TLE4: variants seen among roughly 807,000 people sequenced by gnomAD.
TLE4 encodes the protein transducin-like enhancer protein 4.
A neutral mutation model predicts 92.8 loss-of-function variants in TLE4; 8 were observed. The observed-to-expected ratio is 0.09, with a 90% CI of 0.05 to 0.16. TLE4 has a LOEUF of 0.16. Ranked by LOEUF, TLE4 falls within the 10% of genes least tolerant of loss-of-function variation. The pLI is 1.00. For missense variants in TLE4, 675 were observed against 997.6 expected (o/e 0.68, Z 4.36); for synonymous variants, 371 against 374.1 (o/e 0.99, Z 0.10).
chr9:79,624,341 T>C (rs2051913508), intron 5 of TLE4, among the ~76,000 whole-genome samples: 1 of 152,136 alleles, frequency 6.6e-6, no homozygotes. Context: ...TGTGGCGTAA[T>C]GTTACATGGT....
intron 8 of TLE4, among the ~76,000 whole-genome samples, chr9:79,678,956 A>G (rs1459354441): frequency 6.6e-6 from 1 of 152,032 alleles, no homozygotes. Context: ...GGAACTCATC[A>G]TTTTTTATGG....
At chr9:79,616,754 C>T (rs761537975) in intron 5 of TLE4, among the ~76,000 whole-genome samples, 1 of 152,124 alleles carries the variant, frequency 6.6e-6, no homozygotes, top group Non-Finnish European at 1.5e-5. Flanking sequence ...CCTCCTCCAT[C>T]CCCCAATTCC....
rs1232996709 is a variant in TLE4, at chr9:79,628,183, T to G, written c.390+735T>G. Among the ~76,000 whole-genome samples the G allele has an allele frequency of 6.6e-5, 10 of 152,110 alleles. 1 individual carries two copies. Among genetic ancestry groups the G allele is most frequent in the Admixed American group, 5.9e-4 (9 of 15,270 alleles). ...ATCACAGCTGTAAAGAGCATAATATTCACCTCTCTATTTATGCAGATTGTA... is the reference window on the plus strand; with the variant it reads ...ATCACAGCTGTAAAGAGCATAATATGCACCTCTCTATTTATGCAGATTGTA... On this transcript the variant is annotated intron_variant, in intron 6 of 19. Transcript: ENST00000376552.
At chr9:79,654,958 A>C (rs1410674235) in intron 8 of TLE4, among the ~76,000 whole-genome samples, 8 of 152,224 alleles carry the variant, frequency 5.3e-5, no homozygotes, top group Non-Finnish European at 1.2e-4. Context: ...CCTGGCCAAC[A>C]TGGCGAAACC....
At chr9:79,688,933 C>T (rs1362596575) in intron 8 of TLE4, among the ~76,000 whole-genome samples, 2 of 152,058 alleles carry the variant, frequency 1.3e-5, no homozygotes, top group African/African-American at 2.4e-5. Context: ...AGCTATAAGC[C>T]AGCATAACTG....
chr9:79,599,670 A>G (rs1448624936), intron 4 of TLE4, among the ~76,000 whole-genome samples: 1 of 152,254 alleles, frequency 6.6e-6, no homozygotes, highest in Non-Finnish European at 1.5e-5. Context: ...AAACTGTTTA[A>G]CTTTCTTCAT....
At chr9:79,709,920 G>T (rs2072797036) in intron 14 of TLE4, among the ~76,000 whole-genome samples, 1 of 152,204 alleles carries the variant, frequency 6.6e-6, no homozygotes. Flanking sequence ...AATGCAAATT[G>T]CAGAGGCATC....
intron 8 of TLE4, among the ~76,000 whole-genome samples, chr9:79,680,713 A>C (rs539304343): frequency 0.011 from 1,729 of 152,276 alleles, 19 homozygotes; most frequent in Non-Finnish European, 0.015. Context: ...CCAGTTTTCA[A>C]AGGGAATGCT....
In TLE4 at chr9:79,671,167, G is replaced by A. The variant is rs1397102670; in HGVS notation, c.609+17092G>A. ...ATTGGGGATTTTGTGTTTAGGGATA[G>A]TTCAACCTTGGCTGAGAATGTGACT... is the stretch of plus-strand genomic sequence containing the variant. On this transcript the variant is annotated intron_variant, in intron 8 of 19. Coordinates refer to ENST00000376552, the MANE Select transcript of TLE4 (RefSeq NM_007005.6). 9.1e-6 allele frequency: 4 copies of A among 441,414 alleles called. No individual in the cohort carries two copies. The East Asian group carries it at 2.1e-4, about 23-fold the overall frequency. The allele number at this position is 441,414 out of a possible 1,614,324, so 27.3% of individuals were successfully genotyped here. A position where few individuals can be genotyped will look rare whatever the true frequency, so the allele number is the denominator to read the frequency against.
chr9:79,605,014 G>A (rs1329389700), intron 4 of TLE4, among the ~76,000 whole-genome samples: 1 of 152,034 alleles, frequency 6.6e-6, no homozygotes. Flanking sequence ...GAGAGAGAAG[G>A]AGGAGGAGGA....
intron 4 of TLE4, among the ~76,000 whole-genome samples, chr9:79,597,122 C>T (rs1206786595): frequency 6.6e-6 from 1 of 152,160 alleles, no homozygotes; most frequent in Non-Finnish European, 1.5e-5. Context: ...GTTGTCTAAT[C>T]TAGTGAAGCC....
chr9:79,648,047 G>A (rs1446189805), intron 6 of TLE4, among the ~76,000 whole-genome samples: 1 of 152,188 alleles, frequency 6.6e-6, no homozygotes, highest in Non-Finnish European at 1.5e-5. Flanking sequence ...AAACAGACTA[G>A]TGTTGCGGGC....
intron 1 of TLE4, 125 bp downstream of exon 1, chr9:79,572,960 C>T: frequency 1.9e-6 from 2 of 1,056,832 alleles, no homozygotes; most frequent in East Asian, 3.2e-5. Context: ...CGGCGCCCCG[C>T]GCCGGGAGCA....
At chr9:79,580,878 G>A (rs974585157) in intron 4 of TLE4, among the ~76,000 whole-genome samples, 10 of 152,024 alleles carry the variant, frequency 6.6e-5, no homozygotes, top group African/African-American at 2.2e-4. Context: ...AATCTAGAGG[G>A]CCTGAATAGT....
rs372138706 is a variant in TLE4 at position 79,721,685 on chromosome 9, GA to G, written c.1839-55del. ...TTGAATCATCAAGGAATTCTAAATT[GA>G]TTTTAACTAAAAGCTAACTTTTCAA... is the stretch of plus-strand genomic sequence containing the variant. On this transcript the variant is annotated intron_variant, in intron 16 of 19. Transcript: ENST00000376552. 6 of 1,608,974 alleles carry G rather than the reference GA, an allele frequency of 3.7e-6. No individual in the cohort carries two copies. In the African/African-American group the frequency reaches 8.0e-5, roughly 22 times the overall value.
At chr9:79,706,633 A>G (rs1441127045) in intron 10 of TLE4, 114 bp from the exon 11 acceptor site, 1 of 1,347,118 alleles carries the variant, frequency 7.4e-7, no homozygotes. Context: ...GTTCTAGCAC[A>G]TTTGTGCTTC....
Position 79,722,719 on chromosome 9 carries a change from A to G in TLE4, c.2137+118A>G, listed in dbSNP as rs995722267. ...TTACCATGCCCCTCTTCAGAATTCT[A>G]TTACTTCCTGATACATGCCTGCTTC... is the stretch of plus-strand genomic sequence containing the variant. On this transcript the variant is annotated intron_variant, in intron 18 of 19. Transcript: ENST00000376552. 100 of 1,288,296 alleles carry G rather than the reference A, an allele frequency of 7.8e-5. 1 individual carries two copies. The highest frequency in any genetic ancestry group is 7.4e-4 in the Admixed American group (32 of 43,222). The allele number at this position is 1,288,296 out of a possible 1,614,324, so 79.8% of individuals were successfully genotyped here.
chr9:79,722,824 C>T (rs2075854381), intron 18 of TLE4, 135 bp from the exon 19 acceptor site: 1 of 993,748 alleles, frequency 1.0e-6, no homozygotes, highest in African/African-American at 1.6e-5. Context: ...GAAAGATAGG[C>T]TTTATTTTTG....
intron 6 of TLE4, among the ~76,000 whole-genome samples, chr9:79,629,409 G>A (rs2053597455): frequency 1.3e-5 from 2 of 151,930 alleles, no homozygotes; most frequent in Admixed American, 1.3e-4. Flanking sequence ...ATTTGGAATG[G>A]AATGGCCGAT....
Sources: gnomAD v4.1 joint callset for allele counts (sites outside exome capture counted in the v4.1 genomes callset) on GRCh38, gnomAD v4.1.1 for gene constraint, MANE v1.5 for transcripts, NCBI Gene and HGNC (gene_info 2026-07-23, HGNC 2026-07-21) for gene names.